XKR6: variants seen among roughly 807,000 people sequenced by gnomAD.
XKR6 encodes XK related 6.
Under a neutral mutation model 56.7 loss-of-function variants are expected in XKR6, and 22 were observed. The observed-to-expected ratio is 0.39, with a 90% CI of 0.28 to 0.55. XKR6 has a LOEUF of 0.55. Among genes scored for constraint, XKR6 ranks in the 20% least tolerant of loss-of-function variants. The pLI is 0.66. For missense variants in XKR6, 852 were observed against 889.0 expected, an observed-to-expected ratio of 0.96 and a Z score of 0.53; for synonymous variants, 524 against 387.8, an observed-to-expected ratio of 1.35 and a Z score of -4.13.
At chr8:11,167,431 G>C (rs1802135048) in intron 1 of XKR6, among the ~76,000 whole-genome samples, 1 of 152,150 alleles carries the variant, frequency 6.6e-6, no homozygotes, top group Non-Finnish European at 1.5e-5. Context: ...TACTTGACAA[G>C]GTTCATGCTT....
At chr8:10,973,865 G>A (rs560073460) in intron 1 of XKR6, among the ~76,000 whole-genome samples, 12 of 152,202 alleles carry the variant, frequency 7.9e-5, no homozygotes, top group African/African-American at 2.4e-4. Flanking sequence ...AATTACAGGC[G>A]TGAGCCACCA....
At chr8:11,019,031 C>A (rs1015938273) in intron 1 of XKR6, among the ~76,000 whole-genome samples, 2 of 152,176 alleles carry the variant, frequency 1.3e-5, no homozygotes, top group Non-Finnish European at 2.9e-5. Context: ...CTCACCCACT[C>A]CCCCAGTTAA....
intron 1 of XKR6, among the ~76,000 whole-genome samples, chr8:11,029,857 C>G (rs1798952476): frequency 6.6e-6 from 1 of 152,146 alleles, no homozygotes; most frequent in Non-Finnish European, 1.5e-5. Flanking sequence ...TGGGTTCTTA[C>G]CTTTCTATCC....
At chr8:10,906,079 A>T (rs903012805) in intron 2 of XKR6, among the ~76,000 whole-genome samples, 9 of 152,222 alleles carry the variant, frequency 5.9e-5, no homozygotes, top group African/African-American at 2.2e-4. Flanking sequence ...AAGAGAGCTC[A>T]TACTGAAACC....
At chr8:11,033,401 T>C (rs539895341) in intron 1 of XKR6, among the ~76,000 whole-genome samples, 23 of 148,180 alleles carry the variant, frequency 1.6e-4, no homozygotes, top group African/African-American at 5.3e-4. Flanking sequence ...ATGATGACGA[T>C]AGTGATGGTG....
Position 10,897,001 on chromosome 8 carries a change from C to T in XKR6, c.*951G>A, listed in dbSNP as rs7014968. Reference sequence around the variant, plus strand: ...CTATGCTGAGTTTTATTATTACTGACTATGTGTACAGAAATCTCCTTTAAT... The same window carrying T: ...CTATGCTGAGTTTTATTATTACTGATTATGTGTACAGAAATCTCCTTTAAT... On this transcript the variant is annotated 3_prime_UTR_variant, in exon 3 of 3. Transcript: ENST00000416569. 0.96 allele frequency: 146,804 copies of T among 152,726 alleles called. 70,654 individuals carry two copies. The highest frequency in any genetic ancestry group is 0.99 in the Non-Finnish European group (67,394 of 68,048). 9.5% of individuals were successfully genotyped at this position (152,726 alleles called of 1,614,324 possible). A position where few individuals can be genotyped will look rare whatever the true frequency, so the allele number is the denominator to read the frequency against.
At chr8:10,971,142 C>A (rs1802396555) in intron 1 of XKR6, among the ~76,000 whole-genome samples, 1 of 151,638 alleles carries the variant, frequency 6.6e-6, no homozygotes, top group Non-Finnish European at 1.5e-5. Context: ...ACAAGCAGCG[C>A]CGGGCACGGT....
intron 1 of XKR6, among the ~76,000 whole-genome samples, chr8:11,076,501 C>A (rs1220156194): frequency 6.6e-6 from 1 of 152,206 alleles, no homozygotes; most frequent in Non-Finnish European, 1.5e-5. Flanking sequence ...ACTAGAAGAA[C>A]CCAAGGCCTG....
chr8:11,186,145 T>A (rs1281490471), intron 1 of XKR6, among the ~76,000 whole-genome samples: 1 of 149,898 alleles, frequency 6.7e-6, no homozygotes, highest in Admixed American at 6.6e-5. Flanking sequence ...ATCAATAGCA[T>A]TTTTTTTTAT....
chr8:10,953,913 C>A (rs1801801897), intron 1 of XKR6, among the ~76,000 whole-genome samples: 2 of 152,212 alleles, frequency 1.3e-5, no homozygotes, highest in South Asian at 2.1e-4. Context: ...TGGAATCATG[C>A]AATATATGGC....
chr8:11,195,874 G>A (rs571863322), intron 1 of XKR6, among the ~76,000 whole-genome samples: 192 of 149,560 alleles, frequency 1.3e-3, no homozygotes, highest in Non-Finnish European at 2.2e-3. Context: ...GGATGGTCGC[G>A]ATCTCCTGAC....
intron 1 of XKR6, among the ~76,000 whole-genome samples, chr8:10,969,200 G>C (rs1328795184): frequency 6.6e-6 from 1 of 152,154 alleles, no homozygotes; most frequent in African/African-American, 2.4e-5. Context: ...CCTGAAGCAG[G>C]TGCTCTTAGC....
intron 2 of XKR6, among the ~76,000 whole-genome samples, chr8:10,905,071 G>A (rs1300554327): frequency 6.6e-6 from 1 of 152,142 alleles, no homozygotes; most frequent in Non-Finnish European, 1.5e-5. Flanking sequence ...CTTCTTCCTG[G>A]CTTGTTCCCA....
At chr8:11,109,688 T>G (rs1479285628) in intron 1 of XKR6, 1 of 152,238 alleles carries the variant, frequency 6.6e-6, no homozygotes, top group Non-Finnish European at 1.5e-5. Flanking sequence ...CGCTTTCATT[T>G]GTGCTCAGAG....
chr8:11,042,003 C>T (rs1402809737), intron 1 of XKR6, among the ~76,000 whole-genome samples: 1 of 152,230 alleles, frequency 6.6e-6, no homozygotes, highest in African/African-American at 2.4e-5. Context: ...TCCCACCCCA[C>T]TTGGCCTCCC....
At chr8:11,122,270 A>C (rs1173570769) in intron 1 of XKR6, among the ~76,000 whole-genome samples, 16 of 152,262 alleles carry the variant, frequency 1.1e-4, no homozygotes, top group Admixed American at 9.8e-4. Context: ...AACGTCACTG[A>C]AGATCAGTCT....
intron 1 of XKR6, among the ~76,000 whole-genome samples, chr8:11,101,083 C>A (rs1056423714): frequency 6.6e-6 from 1 of 152,216 alleles, no homozygotes; most frequent in African/African-American, 2.4e-5. Context: ...CGTGCACACA[C>A]ACAATGCTCA....
chr8:11,076,944 G>C (rs1236898269), intron 1 of XKR6, among the ~76,000 whole-genome samples: 7 of 152,234 alleles, frequency 4.6e-5, no homozygotes, highest in Non-Finnish European at 1.5e-5. Flanking sequence ...TGGAGGCTGA[G>C]GCATGAGGAT....
At chr8:11,071,297 T>C (rs1387500435) in intron 1 of XKR6, among the ~76,000 whole-genome samples, 1 of 152,160 alleles carries the variant, frequency 6.6e-6, no homozygotes, top group Non-Finnish European at 1.5e-5. Context: ...TGGAGTGCAA[T>C]GGCATGATCT....
Sources: allele counts gnomAD v4.1 joint callset (sites outside exome capture counted in the v4.1 genomes callset), GRCh38; gene constraint gnomAD v4.1.1; transcripts MANE v1.5; gene names NCBI Gene and HGNC (gene_info 2026-07-23, HGNC 2026-07-21).